The following STX8 variants were observed in gnomAD, a reference collection of about 807,000 sequenced individuals.
STX8 encodes the protein syntaxin-8.
STX8 carries 23 observed loss-of-function variants against 37.5 expected under a neutral mutation model. That is an observed-to-expected ratio of 0.61 (90% CI 0.44 to 0.87). The LOEUF (loss-of-function observed/expected upper bound fraction) is 0.87, where lower values mean the gene tolerates loss of function less well. Among genes scored for constraint, STX8 ranks in the 40% least tolerant of loss-of-function variants. The pLI is 0.00. For missense variants in STX8, 313 were observed against 284.7 expected (o/e 1.10, Z -0.71); for synonymous variants, 115 against 99.1 (o/e 1.16, Z -0.95).
chr17:9,402,301 A>G (rs1912653377), intron 6 of STX8, among the ~76,000 whole-genome samples: 1 of 151,980 alleles, frequency 6.6e-6, no homozygotes, highest in Admixed American at 6.6e-5. Context: ...TTGTATTTTT[A>G]GTAGAGACGG....
chr17:9,257,505 G>C (rs537814062), intron 7 of STX8, among the ~76,000 whole-genome samples: 2 of 152,132 alleles, frequency 1.3e-5, no homozygotes, highest in African/African-American at 2.4e-5. Flanking sequence ...CTGACTTTTC[G>C]AGAGAGTGTG....
intron 7 of STX8, among the ~76,000 whole-genome samples, chr17:9,277,496 T>C (rs1907717005): frequency 6.6e-6 from 1 of 152,098 alleles, no homozygotes; most frequent in Admixed American, 6.6e-5. Context: ...CCCAACTCTG[T>C]ACCAGGTACC....
At chr17:9,485,978 A>G (rs540504847) in intron 6 of STX8, among the ~76,000 whole-genome samples, 1 of 152,322 alleles carries the variant, frequency 6.6e-6, no homozygotes, top group South Asian at 2.1e-4. Context: ...ATGTCCCAGA[A>G]TGGAATCTCT....
intron 6 of STX8, among the ~76,000 whole-genome samples, chr17:9,475,098 T>C (rs1906044870): frequency 6.6e-6 from 1 of 152,094 alleles, no homozygotes. Flanking sequence ...GACTTTGAGC[T>C]CCAAACAGTA....
At chr17:9,274,056 T>C (rs368645041) in intron 7 of STX8, among the ~76,000 whole-genome samples, 2 of 152,312 alleles carry the variant, frequency 1.3e-5, no homozygotes, top group East Asian at 1.9e-4. Flanking sequence ...CCATAACCGG[T>C]ACTTACTCAT....
At chr17:9,524,238 T>C (rs1419901391) in intron 4 of STX8, among the ~76,000 whole-genome samples, 1 of 152,244 alleles carries the variant, frequency 6.6e-6, no homozygotes, top group Non-Finnish European at 1.5e-5. Flanking sequence ...TATCAATTTC[T>C]GTCTCAGTCC....
At chr17:9,302,701 C>A (rs934385895) in intron 7 of STX8, among the ~76,000 whole-genome samples, 1 of 151,958 alleles carries the variant, frequency 6.6e-6, no homozygotes, top group African/African-American at 2.4e-5. Flanking sequence ...ATCCACAGAG[C>A]ACTGGTGGAG....
At chr17:9,399,570 G>A (rs2113556) in intron 6 of STX8, among the ~76,000 whole-genome samples, 86,261 of 151,870 alleles carry the variant, frequency 0.57, 25,050 homozygotes, top group East Asian at 0.78. Flanking sequence ...TGCTTTGTTC[G>A]AAAGATGAGA....
At chr17:9,279,276 C>T (rs1907795414) in intron 7 of STX8, among the ~76,000 whole-genome samples, 1 of 152,036 alleles carries the variant, frequency 6.6e-6, no homozygotes, top group South Asian at 2.1e-4. Flanking sequence ...AGGCTGGTCT[C>T]GAACTCCTGA....
intron 7 of STX8, among the ~76,000 whole-genome samples, chr17:9,352,987 G>A (rs1910761921): frequency 6.6e-6 from 1 of 151,598 alleles, no homozygotes; most frequent in African/African-American, 2.4e-5. Flanking sequence ...TAACTCCTGG[G>A]CTCAAGTGAT....
At chr17:9,489,815 C>A (rs528562611) in intron 6 of STX8, among the ~76,000 whole-genome samples, 4 of 151,734 alleles carry the variant, frequency 2.6e-5, no homozygotes, top group East Asian at 1.9e-4. Context: ...CAGCCTCCCG[C>A]GTAGCTGGGA....
At chr17:9,279,513 C>G (rs575687425) in intron 7 of STX8, among the ~76,000 whole-genome samples, 20 of 152,216 alleles carry the variant, frequency 1.3e-4, no homozygotes, top group Non-Finnish European at 2.5e-4. Flanking sequence ...TCAGAGTTGA[C>G]TAACTCGAAC....
chr17:9,331,028 T>C (rs1909946306), intron 7 of STX8, among the ~76,000 whole-genome samples: 1 of 152,200 alleles, frequency 6.6e-6, no homozygotes, highest in South Asian at 2.1e-4. Flanking sequence ...CCTGCAATTT[T>C]AGACATGCCT....
intron 6 of STX8, among the ~76,000 whole-genome samples, chr17:9,448,149 T>C (rs564590566): frequency 7.1e-6 from 1 of 140,960 alleles, no homozygotes; most frequent in Non-Finnish European, 1.5e-5. Flanking sequence ...CACTCCAGCC[T>C]GGGCAACAGA....
chr17:9,538,317 T>G (rs1381455394), intron 4 of STX8, among the ~76,000 whole-genome samples: 2 of 152,182 alleles, frequency 1.3e-5, no homozygotes, highest in Non-Finnish European at 2.9e-5. Context: ...TCTAGAAGAG[T>G]AGGTTGGTCA....
intron 6 of STX8, among the ~76,000 whole-genome samples, chr17:9,430,119 A>ATATTCTATAG: frequency 1.4e-5 from 1 of 72,748 alleles, no homozygotes; most frequent in African/African-American, 6.0e-5. Context: ...ATATATAAAT[A>ATATTCTATAG]AATATAAATA....
At chr17:9,268,847 A>T (rs1478522015) in intron 7 of STX8, among the ~76,000 whole-genome samples, 1 of 152,238 alleles carries the variant, frequency 6.6e-6, no homozygotes, top group African/African-American at 2.4e-5. Context: ...TGGTTGGCGT[A>T]AAAGCTGTTG....
chr17:9,442,580 G>A (rs1260565745), intron 6 of STX8, among the ~76,000 whole-genome samples: 1 of 152,068 alleles, frequency 6.6e-6, no homozygotes, highest in Non-Finnish European at 1.5e-5. Context: ...CTAATTTTTT[G>A]TATTTTTTGT....
chr17:9,447,987 G>A (rs1018692059), intron 6 of STX8, among the ~76,000 whole-genome samples: 1 of 151,664 alleles, frequency 6.6e-6, no homozygotes, highest in Admixed American at 6.6e-5. Flanking sequence ...GACCAGCTTG[G>A]CCAGCATCAT....
Sources: allele counts gnomAD v4.1 joint callset (sites outside exome capture counted in the v4.1 genomes callset), GRCh38; gene constraint gnomAD v4.1.1; transcripts MANE v1.5; gene names NCBI Gene and HGNC (gene_info 2026-07-23, HGNC 2026-07-21).